The following NLRP9 variants were observed in gnomAD, a reference collection of about 807,000 sequenced individuals.
NLRP9 encodes the protein NACHT, LRR and PYD domains-containing protein 9.
NLRP9 carries 88 observed loss-of-function variants against 83.1 expected under a neutral mutation model. That is an observed-to-expected ratio of 1.06 (90% CI 0.89 to 1.26). NLRP9 has a LOEUF of 1.26. Ranked by LOEUF, NLRP9 falls within the 50% of genes most tolerant of loss-of-function variation. NLRP9 has a pLI of 0.00. For synonymous variants in NLRP9, 521 were observed against 447.6 expected (o/e 1.16, Z -2.07); for missense variants, 1,308 against 1,179.3 (o/e 1.11, Z -1.60).
chr19:55,713,623 ACTCCCCTCCTCCT>A (rs1987874526), intron 6 of NLRP9, among the ~76,000 whole-genome samples: 1 of 3,710 alleles, frequency 2.7e-4, no homozygotes, highest in African/African-American at 1.6e-3. Context: ...TCTCCCTCTT[ACTCCCCTCCTCCT>A]CCTCTCCCCT....
At chr19:55,728,203 A>G (rs1988456177) in intron 3 of NLRP9, among the ~76,000 whole-genome samples, 1 of 152,176 alleles carries the variant, frequency 6.6e-6, no homozygotes, top group African/African-American at 2.4e-5. Context: ...AGTATAAACC[A>G]CAGTGCCGGT....
Position 55,733,942 on chromosome 19 carries a change from A to ATTTTT in NLRP9, c.281-393_281-392insAAAAA, listed in dbSNP as rs1221052980. Among the ~76,000 whole-genome samples, 65 of 45,258 alleles carry ATTTTT rather than the reference A, an allele frequency of 1.4e-3. 1 individual carries two copies. The highest frequency in any genetic ancestry group is 0.014 in the Middle Eastern group (1 of 74). 29.7% of individuals were successfully genotyped at this position (45,258 alleles called of 152,430 possible). A position where few individuals can be genotyped will look rare whatever the true frequency, so the allele number is the denominator to read the frequency against. ...AAATTTTTTTTTTTTTTTTTTTTTGAGACGGAGTCTCGCTCTGTCGCCCAG... is the reference window on the plus strand; with the variant it reads ...AAATTTTTTTTTTTTTTTTTTTTTGATTTTTGACGGAGTCTCGCTCTGTCGCCCAG... On this transcript the variant is annotated intron_variant, in intron 1 of 8. Coordinates refer to ENST00000332836, the MANE Select transcript of NLRP9 (RefSeq NM_176820.4).
chr19:55,718,805 C>T (rs148682672), intron 4 of NLRP9, among the ~76,000 whole-genome samples: 1 of 152,294 alleles, frequency 6.6e-6, no homozygotes, highest in East Asian at 1.9e-4. Flanking sequence ...TACTTTGTCT[C>T]TGTGTCTTGT....
chr19:55,712,463 A>G lies in NLRP9; in HGVS notation c.2629T>C (p.Cys877Arg), dbSNP rs556341640. 124 of 1,612,892 alleles carry G rather than the reference A, an allele frequency of 7.7e-5. No individual in the cohort carries two copies. Among genetic ancestry groups the G allele is most frequent in the East Asian group, 1.3e-4 (6 of 44,840 alleles). ...CAGTGAGGATGCTGCAAAGCTGCACATAACTGTCTGACACCAGTGTCTCCT... is the reference window on the plus strand; with the variant it reads ...CAGTGAGGATGCTGCAAAGCTGCACGTAACTGTCTGACACCAGTGTCTCCT... ...EIGDTGVRQL[C>R]AALQHPHCKL... The change falls in exon 7 of 9, where the codon TGT (cysteine) becomes CGT (arginine). Residue 877 changes from cysteine to arginine, a missense_variant. Cys to Arg is a radical substitution (Grantham distance 180). Transcript: ENST00000332836.
At chr19:55,714,935 C>G in intron 6 of NLRP9, 120 bp downstream of exon 6, 1 of 956,374 alleles carries the variant, frequency 1.0e-6, no homozygotes, top group Non-Finnish European at 1.6e-6. Context: ...ACCCAACATA[C>G]GAATTTTGGG....
At chr19:55,721,352 A>G (rs551213951) in intron 4 of NLRP9, among the ~76,000 whole-genome samples, 53 of 152,348 alleles carry the variant, frequency 3.5e-4, no homozygotes, top group Non-Finnish European at 6.8e-4. Context: ...GGTGTTTGTC[A>G]TAAGGGTTTC....
In NLRP9 at chr19:55,715,144, G is replaced by A. The variant is rs746094792; in HGVS notation, c.2412C>T (p.Leu804=). 26 of 1,613,192 alleles carry A rather than the reference G, an allele frequency of 1.6e-5. No individual in the cohort carries two copies. The highest frequency in any genetic ancestry group is 1.6e-4 in the Middle Eastern group (1 of 6,078). Residue 804 remains leucine (L), a synonymous_variant, in exon 6 of 9, where the codon CTC becomes CTT. Coordinates refer to ENST00000332836, the MANE Select transcript of NLRP9 (RefSeq NM_176820.4). ...VLLCSKSLSL[L]DLGSNALEDN... ...CTTCCAGGGCATTTGAGCCCAGATCGAGGAGGGACAGGGACTTACTGCACA... is the reference window on the plus strand; with the variant it reads ...CTTCCAGGGCATTTGAGCCCAGATCAAGGAGGGACAGGGACTTACTGCACA...
At chr19:55,722,514 T>A (rs932232709) in intron 4 of NLRP9, among the ~76,000 whole-genome samples, 1 of 152,276 alleles carries the variant, frequency 6.6e-6, no homozygotes, top group Middle Eastern at 3.4e-3. Flanking sequence ...TATAGATGAA[T>A]CTGTCAATTA....
chr19:55,718,908 C>T (rs1018037310), intron 4 of NLRP9, among the ~76,000 whole-genome samples: 1 of 152,232 alleles, frequency 6.6e-6, no homozygotes, highest in Non-Finnish European at 1.5e-5. Flanking sequence ...TTCCAGATCT[C>T]ATCCTGTGTG....
At position 55,729,972 on chromosome 19, in the gene NLRP9, T is replaced by C. The variant is rs1354470838; in HGVS notation, c.1853A>G (p.Tyr618Cys). The change falls in exon 3 of 9, where the codon TAC becomes TGC. Residue 618 changes from tyrosine (Y) to cysteine (C), a missense_variant. Transcript: ENST00000332836. ...GAACATTGAGCAAAGCTCCCGCCAG[T>C]AGACGAGCTTCTCATTGTAACTATG... ...CISDYNEKLV[Y>C]WRELCSMFIT... 2 of 1,613,034 alleles carry C rather than the reference T, an allele frequency of 1.2e-6. No individual in the cohort carries two copies. Among genetic ancestry groups the C allele is most frequent in the Non-Finnish European group, 8.5e-7 (1 of 1,179,626 alleles).
chr19:55,731,950 C>A, intron 2 of NLRP9, 49 bp downstream of exon 2: 1 of 1,253,852 alleles, frequency 8.0e-7, no homozygotes, highest in Non-Finnish European at 1.1e-6. Flanking sequence ...GCCACTAGAG[C>A]AAACTCCAAG....
intron 1 of NLRP9, among the ~76,000 whole-genome samples, chr19:55,734,955 A>G (rs772245209): frequency 6.6e-6 from 1 of 152,176 alleles, no homozygotes; most frequent in African/African-American, 2.4e-5. Context: ...TATTTTATGC[A>G]AAGTTTATCT....
At chr19:55,713,442 A>G (rs141143928) in intron 6 of NLRP9, among the ~76,000 whole-genome samples, 187 of 151,838 alleles carry the variant, frequency 1.2e-3, no homozygotes, top group African/African-American at 4.4e-3. Flanking sequence ...ATATATATGT[A>G]TGTGTCTGAT....
In NLRP9 at chr19:55,715,166, C is replaced by T. The variant is rs761525281; in HGVS notation, c.2390G>A (p.Cys797Tyr). Residue 797 changes from cysteine (C) to tyrosine (Y), a missense_variant, in exon 6 of 9, where the codon TGC (cysteine) becomes TAC (tyrosine). Physicochemically the swap from Cys to Tyr is radical, Grantham distance 194 (BLOSUM62 -2). Coordinates refer to ENST00000332836, the MANE Select transcript of NLRP9 (RefSeq NM_176820.4). ...ATCGAGGAGGGACAGGGACTTACTGCACAAGAGGACTTCGGAAATGGAGTC... is the reference window on the plus strand; with the variant it reads ...ATCGAGGAGGGACAGGGACTTACTGTACAAGAGGACTTCGGAAATGGAGTC... Reference protein sequence around the residue: ...SCDSISEVLLCSKSLSLLDLG... With the variant: ...SCDSISEVLLYSKSLSLLDLG... 6.2e-7 allele frequency: 1 copy of T among 1,613,386 alleles called. No individual in the cohort carries two copies. The highest frequency in any genetic ancestry group is 8.5e-7 in the Non-Finnish European group (1 of 1,179,892).
intron 1 of NLRP9, among the ~76,000 whole-genome samples, chr19:55,735,624 A>C (rs532352419): frequency 3.7e-4 from 56 of 152,306 alleles, no homozygotes; most frequent in African/African-American, 1.3e-3. Context: ...ACTGAACAAT[A>C]TATTATGGAC....
rs185704072 is a variant in NLRP9 at position 55,715,752 on chromosome 19, A to G, written c.2331-527T>C. Among the ~76,000 whole-genome samples, 478 of 149,346 alleles carry G rather than the reference A, an allele frequency of 3.2e-3. 1 individual carries two copies. Among genetic ancestry groups the G allele is most frequent in the African/African-American group, 0.011 (459 of 40,536 alleles). The stretch of plus-strand genomic sequence containing the variant: ...GTACAGAAAGATGAATGTGGAATAC[A>G]GTGTCCCAACAAACAATCTCAGATT... On this transcript the variant is annotated intron_variant, in intron 5 of 8. Transcript: ENST00000332836.
Position 55,708,990 on chromosome 19 carries a change from T to G in NLRP9, c.2898A>C (p.Glu966Asp), listed in dbSNP as rs1475181972. The change falls in exon 9 of 9, where the codon GAA becomes GAC. Residue 966 changes from glutamate to aspartate, a missense_variant. By Grantham distance (45) the Glu-to-Asp change is conservative (BLOSUM62 2). Transcript: ENST00000332836. ...AAATGGTCAGATGGGGAATTTTTTC[T>G]TCCACAGACATCAGGATCTTCTGAG... ...EETQKILMSV[E>D]EKIPHLTISH... 1.3e-6 allele frequency: 2 copies of G among 1,596,170 alleles called. No homozygotes were observed. Among genetic ancestry groups the G allele is most frequent in the East Asian group, 4.6e-5 (2 of 43,568 alleles).
chr19:55,710,330 C>T (rs911103597), intron 8 of NLRP9, among the ~76,000 whole-genome samples: 16 of 152,104 alleles, frequency 1.1e-4, no homozygotes, highest in African/African-American at 2.7e-4. Flanking sequence ...TACAGCTCCC[C>T]GGGACTCCCT....
chr19:55,715,929 G>C (rs185654311), intron 5 of NLRP9, among the ~76,000 whole-genome samples: 2 of 152,226 alleles, frequency 1.3e-5, no homozygotes, highest in Admixed American at 1.3e-4. Flanking sequence ...ACATATTTAA[G>C]GTTTTGTTAA....
Sources: gnomAD v4.1 joint callset for allele counts (sites outside exome capture counted in the v4.1 genomes callset) on GRCh38, gnomAD v4.1.1 for gene constraint, MANE v1.5 for transcripts, NCBI Gene and HGNC (gene_info 2026-07-23, HGNC 2026-07-21) for gene names.